The following AGO2 variants were observed in gnomAD, a reference collection of about 807,000 sequenced individuals.
AGO2 encodes the protein protein argonaute-2.
AGO2 carries 5 observed loss-of-function variants against 102.3 expected under a neutral mutation model. The observed-to-expected ratio is 0.05, with a 90% CI of 0.03 to 0.10. The LOEUF (loss-of-function observed/expected upper bound fraction) is 0.10. Among genes scored for constraint, AGO2 ranks in the 10% least tolerant of loss-of-function variants. The pLI is 1.00. For missense variants in AGO2, 541 were observed against 1,183.7 expected, an observed-to-expected ratio of 0.46 and a Z score of 7.97; for synonymous variants, 449 against 473.1, an observed-to-expected ratio of 0.95 and a Z score of 0.66.
chr8:140,636,460 C>T (rs2074409916), upstream of AGO2: 1 of 152,188 alleles, frequency 6.6e-6, no homozygotes. Context: ...TCCTTTCTCC[C>T]CTAAGTGATG....
intron 2 of AGO2, among the ~76,000 whole-genome samples, chr8:140,582,919 C>G (rs139540327): frequency 6.6e-6 from 1 of 152,196 alleles, no homozygotes; most frequent in Non-Finnish European, 1.5e-5. Context: ...GCCAATGTGT[C>G]TAGATTAAAG....
intron 1 of AGO2, among the ~76,000 whole-genome samples, chr8:140,634,177 G>A (rs2074372957): frequency 6.6e-6 from 1 of 152,262 alleles, no homozygotes; most frequent in Non-Finnish European, 1.5e-5. Context: ...GGGTTGAAAA[G>A]TTGGTCAGAC....
intron 11 of AGO2, 107 bp downstream of exon 11, chr8:140,551,196 C>T (rs2072987060): frequency 1.5e-6 from 2 of 1,308,654 alleles, no homozygotes; most frequent in Non-Finnish European, 2.0e-6. Flanking sequence ...AAACCCATAC[C>T]AGCACCCTCA....
intron 6 of AGO2, 106 bp downstream of exon 6, chr8:140,559,289 C>T (rs1315787452): frequency 7.0e-7 from 1 of 1,427,430 alleles, no homozygotes; most frequent in Non-Finnish European, 9.6e-7. Flanking sequence ...GCCACCCCCA[C>T]CTCCCCAAAT....
chr8:140,588,228 T>C (rs1411784531), intron 1 of AGO2, among the ~76,000 whole-genome samples: 3 of 152,168 alleles, frequency 2.0e-5, no homozygotes, highest in East Asian at 1.9e-4. Flanking sequence ...GCATTGAAGG[T>C]TGAAACCTTT....
chr8:140,598,902 C>A (rs534140511), intron 1 of AGO2, among the ~76,000 whole-genome samples: 2 of 152,216 alleles, frequency 1.3e-5, no homozygotes, highest in Non-Finnish European at 2.9e-5. Context: ...CCTCCCCATG[C>A]GTTTTCCTGC....
intron 1 of AGO2, among the ~76,000 whole-genome samples, chr8:140,617,568 T>C (rs1016958596): frequency 1.3e-5 from 2 of 152,164 alleles, no homozygotes; most frequent in Non-Finnish European, 2.9e-5. Context: ...ACACCACTCT[T>C]ATGCCCAAAT....
chr8:140,635,593 G>C lies in AGO2; in HGVS notation c.-87C>G. On this transcript the variant is annotated 5_prime_UTR_variant, in exon 1 of 19. Coordinates refer to ENST00000220592, the MANE Select transcript of AGO2 (RefSeq NM_012154.5). ...CGCCGCGAGCCGCGAGGGAGCCGCC[G>C]GCCGCACGATCCGCCCCGGCGCGGC... The C allele has an allele frequency of 3.3e-6, 3 of 915,882 alleles. No individual in the cohort carries two copies. Among genetic ancestry groups the C allele is most frequent in the Non-Finnish European group, 3.9e-6 (3 of 769,662 alleles). 56.7% of individuals were successfully genotyped at this position (915,882 alleles called of 1,614,324 possible).
intron 1 of AGO2, among the ~76,000 whole-genome samples, chr8:140,595,927 A>G (rs2073832374): frequency 1.1e-5 from 1 of 87,994 alleles, no homozygotes; most frequent in African/African-American, 4.2e-5. Flanking sequence ...TATTATGTAT[A>G]TAAATTATAT....
At chr8:140,583,353 T>C (rs978687019) in intron 2 of AGO2, among the ~76,000 whole-genome samples, 1 of 152,074 alleles carries the variant, frequency 6.6e-6, no homozygotes. Context: ...CCCTAATAAA[T>C]CCCCTCTCAT....
In AGO2 at chr8:140,595,811, ATATATTATATTTATATTATATACAAT is replaced by A. The variant is rs1564106772; in HGVS notation, c.23-10526_23-10501del. 1.1e-3 allele frequency among the ~76,000 whole-genome samples: 31 copies of A among 28,122 alleles called. 2 individuals are homozygous for A. The East Asian group carries it at 0.017, about 15-fold the overall frequency. The allele number at this position is 28,122 out of a possible 152,430, so 18.4% of individuals were successfully genotyped here. The stretch of plus-strand genomic sequence containing the variant: ...ATACAATTATATTATATACAATTGT[ATATATTATATTTATATTATATACAAT>A]TGTATATATTATATTTATATTATAT... On this transcript the variant is annotated intron_variant, in intron 1 of 18. Transcript: ENST00000220592.
intron 14 of AGO2, 74 bp from the exon 15 acceptor site, chr8:140,541,432 G>A (rs1049223086): frequency 4.8e-5 from 65 of 1,361,190 alleles, no homozygotes; most frequent in African/African-American, 5.8e-5. Flanking sequence ...CTGGACTCTC[G>A]GGAAGATGGG....
In AGO2 at chr8:140,557,048, C is replaced by T. The variant is rs1208940002; in HGVS notation, c.1026+41G>A. Reference sequence around the variant, plus strand: ...GCATGCCCCAGCCTGGGACGCCGCCCTCCCAAGCCCCCAGAGACACACAGG... The same window carrying T: ...GCATGCCCCAGCCTGGGACGCCGCCTTCCCAAGCCCCCAGAGACACACAGG... On this transcript the variant is annotated intron_variant, in intron 8 of 18. Transcript: ENST00000220592. This position sits in a 1 kb window ranked among gnomAD's most constrained non-coding sequence, Gnocchi z 5.9. 1 of 1,581,996 alleles carries T rather than the reference C, an allele frequency of 6.3e-7. No individual in the cohort carries two copies.
chr8:140,564,077 T>C (rs375537642), intron 3 of AGO2, among the ~76,000 whole-genome samples: 1 of 152,202 alleles, frequency 6.6e-6, no homozygotes, highest in South Asian at 2.1e-4. Flanking sequence ...CCGAGGACCA[T>C]CTGCAAAAGA....
chr8:140,548,828 G>A (rs61393942), intron 12 of AGO2, among the ~76,000 whole-genome samples: 1,729 of 152,272 alleles, frequency 0.011, 30 homozygotes, highest in African/African-American at 0.039. Context: ...CAGCCAACAC[G>A]CATGCTGTAT....
intron 12 of AGO2, 137 bp downstream of exon 12, chr8:140,548,974 CTCT>C (rs917741590): frequency 1.4e-5 from 15 of 1,051,854 alleles, no homozygotes; most frequent in Non-Finnish European, 5.3e-6. Context: ...GACAAGCCAC[CTCT>C]TCTTCCTCAG....
In AGO2 at chr8:140,551,517, T is replaced by C. The variant is rs558992918; in HGVS notation, c.1270-81A>G. On this transcript the variant is annotated intron_variant, in intron 10 of 18. Transcript: ENST00000220592. ...CCTTAGACTTTGTCACTCTCACTGT[T>C]GGTCCCCCTGACCAACAACTGCTTC... 2.5e-5 allele frequency: 34 copies of C among 1,365,228 alleles called. No homozygotes were observed. The South Asian group carries it at 4.1e-4, about 17-fold the overall frequency. 84.6% of individuals were successfully genotyped at this position (1,365,228 alleles called of 1,614,324 possible).
chr8:140,604,866 C>T (rs943519580), intron 1 of AGO2, among the ~76,000 whole-genome samples: 16 of 152,082 alleles, frequency 1.1e-4, no homozygotes, highest in Middle Eastern at 3.4e-3. Context: ...TGGGAAAACC[C>T]GTGACTGTAT....
intron 3 of AGO2, among the ~76,000 whole-genome samples, chr8:140,565,755 A>G (rs1343600205): frequency 6.6e-6 from 1 of 152,168 alleles, no homozygotes; most frequent in Non-Finnish European, 1.5e-5. Flanking sequence ...ACAACAGACT[A>G]TTAGTAGTAG....
Sources: gnomAD v4.1 joint callset for allele counts (sites outside exome capture counted in the v4.1 genomes callset) on GRCh38, gnomAD v4.1.1 for gene constraint, Gnocchi (gnomAD v3.1) non-coding constraint, MANE v1.5 for transcripts, NCBI Gene and HGNC (gene_info 2026-07-23, HGNC 2026-07-21) for gene names.